Variants in DPP10 observed in about 807,000 individuals in gnomAD.
DPP10 encodes the protein dipeptidyl peptidase like 10, also known as inactive dipeptidyl peptidase 10.
Under a neutral mutation model 120.9 loss-of-function variants are expected in DPP10, and 33 were observed. The ratio of observed to expected loss-of-function variants is 0.27; its 90% CI spans 0.21 to 0.37. DPP10 has a LOEUF of 0.37. Ranked by LOEUF, DPP10 falls within the 10% of genes least tolerant of loss-of-function variation. The pLI is 1.00. For synonymous variants in DPP10, 337 were observed against 326.1 expected, an observed-to-expected ratio of 1.03 and a Z score of -0.36; for missense variants, 816 against 942.8, an observed-to-expected ratio of 0.87 and a Z score of 1.76.
intron 1 of DPP10, among the ~76,000 whole-genome samples, chr2:114,854,258 C>T (rs574958090): frequency 5.3e-5 from 8 of 152,252 alleles, no homozygotes; most frequent in South Asian, 2.1e-4. Context: ...AGTTTTAATA[C>T]GTAGTGAGTT....
At chr2:115,162,686 T>C (rs1248705204) in intron 1 of DPP10, among the ~76,000 whole-genome samples, 1 of 152,058 alleles carries the variant, frequency 6.6e-6, no homozygotes, top group Non-Finnish European at 1.5e-5. Context: ...TTTGGATGTG[T>C]CGCGTCTGCA....
intron 1 of DPP10, among the ~76,000 whole-genome samples, chr2:115,279,410 A>T (rs1319967274): frequency 6.6e-6 from 1 of 152,118 alleles, no homozygotes; most frequent in Non-Finnish European, 1.5e-5. Flanking sequence ...ACCACTCAAA[A>T]TGCCTAGCAT....
intron 5 of DPP10, among the ~76,000 whole-genome samples, chr2:115,540,529 G>T (rs1035618355): frequency 6.6e-6 from 1 of 151,808 alleles, no homozygotes; most frequent in African/African-American, 2.4e-5. Context: ...TTCAAAATAA[G>T]AGATACCTTA....
At chr2:115,715,428 T>C (rs903767135) in intron 7 of DPP10, among the ~76,000 whole-genome samples, 5 of 151,754 alleles carry the variant, frequency 3.3e-5, no homozygotes, top group African/African-American at 1.2e-4. Context: ...ATGGCTCATC[T>C]GAAGCCTTTT....
rs545494820 is a variant in DPP10 at position 115,438,184 on chromosome 2, C to T, written c.272-61326C>T. ...AATGCAAATCAAAACCACAATGAGA[C>T]ACCACTTCACATTCATTAGAATGGC... On this transcript the variant is annotated intron_variant, in intron 3 of 25. Transcript: ENST00000410059. 1.8e-4 allele frequency among the ~76,000 whole-genome samples: 28 copies of T among 152,092 alleles called. No individual in the cohort carries two copies. The South Asian group carries it at 3.5e-3, about 19-fold the overall frequency.
At chr2:115,049,326 C>T (rs1057360923) in intron 1 of DPP10, among the ~76,000 whole-genome samples, 7 of 152,040 alleles carry the variant, frequency 4.6e-5, no homozygotes, top group Admixed American at 1.3e-4. Flanking sequence ...CTATTATACA[C>T]GCCACTCTTA....
chr2:115,013,842 A>T (rs1263901402), intron 1 of DPP10, among the ~76,000 whole-genome samples: 2 of 152,126 alleles, frequency 1.3e-5, no homozygotes, highest in Non-Finnish European at 2.9e-5. Context: ...AAATTCATCA[A>T]GAAAGTTCTT....
chr2:114,592,135 G>A (rs559111564), intron 1 of DPP10, among the ~76,000 whole-genome samples: 17 of 152,212 alleles, frequency 1.1e-4, no homozygotes, highest in African/African-American at 3.4e-4. Flanking sequence ...AGTTTCTTTC[G>A]AAAGTGTGAC....
At chr2:115,302,430 G>A (rs1453379320) in intron 1 of DPP10, among the ~76,000 whole-genome samples, 1 of 151,830 alleles carries the variant, frequency 6.6e-6, no homozygotes. Context: ...AGGCAACATA[G>A]CAAGACCCCA....
intron 1 of DPP10, among the ~76,000 whole-genome samples, chr2:114,443,646 T>C (rs1677781232): frequency 6.6e-6 from 1 of 151,482 alleles, no homozygotes; most frequent in Non-Finnish European, 1.5e-5. Flanking sequence ...ATTATCTATG[T>C]GGATATTTTG....
chr2:115,637,621 A>G (rs985116791), intron 5 of DPP10, among the ~76,000 whole-genome samples: 2 of 152,220 alleles, frequency 1.3e-5, no homozygotes, highest in Non-Finnish European at 2.9e-5. Flanking sequence ...GCTCTCAATT[A>G]TAAATAAAAG....
Position 115,286,530 on chromosome 2 carries a change from T to TATATATATATATA in DPP10, c.61-22698_61-22697insTAATATATATATA, listed in dbSNP as rs1559366961. On this transcript the variant is annotated intron_variant, in intron 1 of 25. Coordinates refer to ENST00000410059, the MANE Select transcript of DPP10 (RefSeq NM_020868.6). The stretch of plus-strand genomic sequence containing the variant: ...ACATATATAATATATATATATAATA[T>TATATATATATATA]ATATATATATAAAATATATACAGAA... 2.6e-4 allele frequency among the ~76,000 whole-genome samples: 30 copies of TATATATATATATA among 114,558 alleles called. 1 individual carries two copies. Among genetic ancestry groups the TATATATATATATA allele is most frequent in the Non-Finnish European group, 5.2e-4 (28 of 53,480 alleles). 75.2% of individuals were successfully genotyped at this position (114,558 alleles called of 152,430 possible).
chr2:115,477,355 A>G (rs1049087781), intron 3 of DPP10, among the ~76,000 whole-genome samples: 1 of 152,186 alleles, frequency 6.6e-6, no homozygotes, highest in Non-Finnish European at 1.5e-5. Context: ...TTGCATTTTG[A>G]TACACTAACA....
chr2:114,838,503 T>A (rs1687912155), intron 1 of DPP10, among the ~76,000 whole-genome samples: 1 of 151,932 alleles, frequency 6.6e-6, no homozygotes, highest in Non-Finnish European at 1.5e-5. Context: ...TTAGTAGAGA[T>A]GGGATTTCAC....
At chr2:114,888,453 T>C (rs1231478104) in intron 1 of DPP10, among the ~76,000 whole-genome samples, 1 of 152,170 alleles carries the variant, frequency 6.6e-6, no homozygotes, top group African/African-American at 2.4e-5. Context: ...ATCTGTATAA[T>C]GATCAAGATT....
chr2:115,042,644 T>C (rs1704746806), intron 1 of DPP10, among the ~76,000 whole-genome samples: 1 of 152,222 alleles, frequency 6.6e-6, no homozygotes, highest in Non-Finnish European at 1.5e-5. Flanking sequence ...TTTTGGTCTC[T>C]CCTACTGTAG....
At chr2:115,672,615 G>A (rs1339427030) in intron 5 of DPP10, among the ~76,000 whole-genome samples, 1 of 118,888 alleles carries the variant, frequency 8.4e-6, no homozygotes, top group African/African-American at 3.2e-5. Flanking sequence ...TGTCATCATG[G>A]CGCCCCTTCT....
intron 3 of DPP10, among the ~76,000 whole-genome samples, chr2:115,485,730 G>A (rs1197814782): frequency 2.6e-5 from 4 of 152,024 alleles, no homozygotes; most frequent in Non-Finnish European, 5.9e-5. Context: ...TTAGATGTAT[G>A]AATTAGTTTT....
intron 1 of DPP10, among the ~76,000 whole-genome samples, chr2:114,746,778 A>G (rs1213136718): frequency 6.6e-6 from 1 of 152,236 alleles, no homozygotes; most frequent in Non-Finnish European, 1.5e-5. Context: ...GGAGTTTTCC[A>G]ATGACAAAAT....
Sources: gnomAD v4.1 joint callset for allele counts (sites outside exome capture counted in the v4.1 genomes callset) on GRCh38, gnomAD v4.1.1 for gene constraint, MANE v1.5 for transcripts, NCBI Gene and HGNC (gene_info 2026-07-23, HGNC 2026-07-21) for gene names.